The following FMN2 variants were observed in gnomAD, a reference collection of about 807,000 sequenced individuals.
FMN2 encodes formin-2.
In FMN2, 51 loss-of-function variants were observed where a neutral mutation model predicts 142.3. The observed-to-expected ratio is 0.36, with a 90% CI of 0.29 to 0.45. FMN2 has a LOEUF of 0.45. FMN2 is among the 20% of genes least tolerant of loss of function. The pLI, the probability that FMN2 is intolerant of heterozygous loss-of-function variation, is 1.00. For missense variants in FMN2, 1,936 were observed against 2,122.8 expected (o/e 0.91, Z 1.73); for synonymous variants, 882 against 869.8 (o/e 1.01, Z -0.25).
Position 240,232,203 on chromosome 1 carries a change from G to A in FMN2, c.4065+20968G>A, listed in dbSNP as rs558432588. On this transcript the variant is annotated intron_variant, in intron 6 of 17. Transcript: ENST00000319653. The stretch of plus-strand genomic sequence containing the variant: ...TCCTGCCTCAGCCTCCCAAGTAGCT[G>A]GAACTACAGGCACCAGGCACACACC... Among the ~76,000 whole-genome samples, 624 of 150,978 alleles carry A rather than the reference G, an allele frequency of 4.1e-3. 8 individuals carry two copies. Among genetic ancestry groups the A allele is most frequent in the African/African-American group, 0.014 (593 of 41,074 alleles).
chr1:240,164,110 G>A (rs1664386302), intron 2 of FMN2, among the ~76,000 whole-genome samples: 1 of 151,972 alleles, frequency 6.6e-6, no homozygotes, highest in Non-Finnish European at 1.5e-5. Context: ...TCTTGTCCAG[G>A]CTGGTCTTGA....
At chr1:240,460,976 G>A (rs1328653736) in intron 16 of FMN2, among the ~76,000 whole-genome samples, 1 of 152,072 alleles carries the variant, frequency 6.6e-6, no homozygotes, top group South Asian at 2.1e-4. Flanking sequence ...AGCCTTTCAG[G>A]TGATTCCTAC....
At chr1:240,133,137 G>A (rs558111479) in intron 2 of FMN2, among the ~76,000 whole-genome samples, 7 of 152,258 alleles carry the variant, frequency 4.6e-5, no homozygotes, top group African/African-American at 1.7e-4. Flanking sequence ...CCAAGGTTGA[G>A]AAATCTAGTG....
intron 2 of FMN2, among the ~76,000 whole-genome samples, chr1:240,140,125 T>A (rs1435673300): frequency 6.6e-6 from 1 of 152,170 alleles, no homozygotes; most frequent in Non-Finnish European, 1.5e-5. Context: ...TCTTTCTTCC[T>A]CTGGGTGTGA....
chr1:240,439,131 G>A (rs1675509940), intron 16 of FMN2, among the ~76,000 whole-genome samples: 1 of 151,806 alleles, frequency 6.6e-6, no homozygotes, highest in Admixed American at 6.6e-5. Context: ...AAATTAGCCG[G>A]GCATTGTGGT....
At chr1:240,108,718 T>G (rs180814112) in intron 1 of FMN2, among the ~76,000 whole-genome samples, 3 of 152,272 alleles carry the variant, frequency 2.0e-5, no homozygotes, top group Non-Finnish European at 4.4e-5. Context: ...GCAACTGTCT[T>G]GTTCATCCTT....
At position 240,166,942 on chromosome 1, in the gene FMN2, T is replaced by C. The variant is rs576357061; in HGVS notation, c.1783-10979T>C. 5.9e-5 allele frequency among the ~76,000 whole-genome samples: 9 copies of C among 152,182 alleles called. No individual in the cohort carries two copies. In the South Asian group the frequency reaches 1.9e-3, roughly 32 times the overall value. On this transcript the variant is annotated intron_variant, in intron 2 of 17. Transcript: ENST00000319653. Reference sequence around the variant, plus strand: ...TTCAAGACCAGCCTGGCCAACATGATGAAACCCAATCTCTACCAAAAATAC... The same window carrying C: ...TTCAAGACCAGCCTGGCCAACATGACGAAACCCAATCTCTACCAAAAATAC...
intron 15 of FMN2, among the ~76,000 whole-genome samples, chr1:240,406,637 C>T (rs919121105): frequency 2.6e-5 from 4 of 152,048 alleles, no homozygotes; most frequent in African/African-American, 9.7e-5. Flanking sequence ...ATCATTGTTA[C>T]CTGATGTTTA....
intron 8 of FMN2, among the ~76,000 whole-genome samples, chr1:240,296,427 A>G (rs1322389351): frequency 4.4e-5 from 3 of 68,642 alleles, no homozygotes; most frequent in African/African-American, 1.9e-4. Flanking sequence ...TGGGTCTAAT[A>G]TCTTTGAGTG....
intron 14 of FMN2, among the ~76,000 whole-genome samples, chr1:240,364,877 T>C (rs914588217): frequency 2.0e-5 from 3 of 152,252 alleles, no homozygotes; most frequent in Admixed American, 2.0e-4. Context: ...TCAGTTCTTC[T>C]GCTCCGCTTG....
chr1:240,138,528 C>A (rs1473634428), intron 2 of FMN2, among the ~76,000 whole-genome samples: 1 of 151,600 alleles, frequency 6.6e-6, no homozygotes, highest in Non-Finnish European at 1.5e-5. Context: ...GGTGAAACCT[C>A]ATCTCTACTA....
chr1:240,279,918 C>T (rs1208572432), intron 7 of FMN2, among the ~76,000 whole-genome samples: 1 of 151,916 alleles, frequency 6.6e-6, no homozygotes, highest in Non-Finnish European at 1.5e-5. Flanking sequence ...CAAAATTATT[C>T]CAAAGGGAGG....
intron 7 of FMN2, among the ~76,000 whole-genome samples, chr1:240,260,217 G>A (rs1434808926): frequency 1.3e-5 from 2 of 152,114 alleles, no homozygotes; most frequent in Non-Finnish European, 2.9e-5. Context: ...AAACATGCAC[G>A]TACAAGTATC....
chr1:240,437,298 T>TTTTTC, intron 15 of FMN2, among the ~76,000 whole-genome samples: 1 of 147,910 alleles, frequency 6.8e-6, no homozygotes, highest in Admixed American at 6.7e-5. Context: ...CTTGCTTTTT[T>TTTTTC]TTTTTTTTTT....
intron 15 of FMN2, among the ~76,000 whole-genome samples, chr1:240,417,954 A>G (rs1393892193): frequency 6.6e-6 from 1 of 151,952 alleles, no homozygotes; most frequent in Non-Finnish European, 1.5e-5. Flanking sequence ...ATCATTATAC[A>G]ATGTCCTTTT....
intron 2 of FMN2, among the ~76,000 whole-genome samples, chr1:240,148,382 AAAGAC>A (rs1269071275): frequency 8.1e-6 from 1 of 122,924 alleles, no homozygotes; most frequent in African/African-American, 3.8e-5. Context: ...AGAGAGAGAG[AAAGAC>A]AGAGAGAAAG....
intron 13 of FMN2, among the ~76,000 whole-genome samples, chr1:240,335,035 ATG>A (rs1385210686): frequency 6.6e-5 from 10 of 152,330 alleles, no homozygotes; most frequent in African/African-American, 1.9e-4. Flanking sequence ...CAATTTTGAG[ATG>A]TGTTTATCCA....
intron 7 of FMN2, among the ~76,000 whole-genome samples, chr1:240,292,176 A>G (rs763616613): frequency 6.6e-6 from 1 of 152,170 alleles, no homozygotes; most frequent in Non-Finnish European, 1.5e-5. Flanking sequence ...CCTTGATATA[A>G]TTTCAATACT....
chr1:240,113,441 A>G (rs1661892181), intron 1 of FMN2, among the ~76,000 whole-genome samples: 1 of 151,174 alleles, frequency 6.6e-6, no homozygotes, highest in Non-Finnish European at 1.5e-5. Context: ...GCACACGCCT[A>G]TGGTCCCAGC....
Sources: gnomAD v4.1 joint callset for allele counts (sites outside exome capture counted in the v4.1 genomes callset) on GRCh38, gnomAD v4.1.1 for gene constraint, MANE v1.5 for transcripts, NCBI Gene and HGNC (gene_info 2026-07-23, HGNC 2026-07-21) for gene names.